The following NAALADL2 variants were observed in gnomAD, a reference collection of about 807,000 sequenced individuals.
NAALADL2 encodes N-acetylated alpha-linked acidic dipeptidase like 2.
NAALADL2 carries 76 observed loss-of-function variants against 87.2 expected under a neutral mutation model. The observed-to-expected ratio is 0.87, with a 90% confidence interval of 0.72 to 1.05. The LOEUF (loss-of-function observed/expected upper bound fraction) is 1.05. NAALADL2 is among the 50% of genes least tolerant of loss of function. The pLI is 0.00. For synonymous variants in NAALADL2, 354 were observed against 331.0 expected, an observed-to-expected ratio of 1.07 and a Z score of -0.75; for missense variants, 1,089 against 945.8, an observed-to-expected ratio of 1.15 and a Z score of -1.99.
rs1337792607 is a variant in NAALADL2, at chr3:174,882,715, ATATATGTG to A, written c.43+23277_43+23284del. The stretch of plus-strand genomic sequence containing the variant: ...CGTGTATATACATGTGTATCTACAC[ATATATGTG>A]TATATGTGTATCTATGTGTATATAC... On this transcript the variant is annotated intron_variant, in intron 1 of 13. Transcript: ENST00000454872. Among the ~76,000 whole-genome samples the A allele has an allele frequency of 1.7e-4, 25 of 143,852 alleles. 1 individual carries two copies. The highest frequency in any genetic ancestry group is 3.3e-4 in the Non-Finnish European group (22 of 66,000). 94.4% of individuals were successfully genotyped at this position (143,852 alleles called of 152,430 possible).
intron 1 of NAALADL2, among the ~76,000 whole-genome samples, chr3:175,068,823 T>C (rs1305298504): frequency 6.6e-6 from 1 of 152,102 alleles, no homozygotes; most frequent in African/African-American, 2.4e-5. Context: ...AGAATACCTT[T>C]GAAAAAGTAT....
chr3:174,659,937 G>C (rs1337866258), intron 2 of NAALADL2, among the ~76,000 whole-genome samples: 1 of 151,980 alleles, frequency 6.6e-6, no homozygotes, highest in Non-Finnish European at 1.5e-5. Context: ...TGTGTCCTTT[G>C]TTTCCTTTTG....
chr3:175,443,381 AT>A (rs1195513508), intron 5 of NAALADL2, among the ~76,000 whole-genome samples: 1 of 152,174 alleles, frequency 6.6e-6, no homozygotes, highest in Non-Finnish European at 1.5e-5. Context: ...GCAGTTATTG[AT>A]TTTTTATTAA....
At chr3:174,461,949 T>C (rs1716241074) in intron 1 of NAALADL2, among the ~76,000 whole-genome samples, 1 of 152,062 alleles carries the variant, frequency 6.6e-6, no homozygotes, top group Non-Finnish European at 1.5e-5. Context: ...CATATCTCAT[T>C]AAAATAGCAA....
rs143554533 is a variant in NAALADL2 at position 175,411,990 on chromosome 3, T to C, written c.1091-35239T>C. Among the ~76,000 whole-genome samples the C allele has an allele frequency of 4.3e-3, 654 of 152,134 alleles. 2 individuals carry two copies. Among genetic ancestry groups the C allele is most frequent in the Non-Finnish European group, 6.0e-3 (408 of 68,012 alleles). ...CAGAAATTCAAAAAGACTAGATAAA[T>C]TCTGTAAACCCTGATCGAAGATAGC... is the stretch of plus-strand genomic sequence containing the variant. On this transcript the variant is annotated intron_variant, in intron 5 of 13. Coordinates refer to ENST00000454872, the MANE Select transcript of NAALADL2 (RefSeq NM_207015.3).
chr3:174,501,335 T>G (rs4894472), intron 1 of NAALADL2, among the ~76,000 whole-genome samples: 2 of 150,710 alleles, frequency 1.3e-5, no homozygotes, highest in African/African-American at 2.5e-5. Flanking sequence ...GCCTCGGCCT[T>G]CCAAAGTGCT....
intron 1 of NAALADL2, among the ~76,000 whole-genome samples, chr3:175,080,760 TG>T (rs1717641616): frequency 6.6e-6 from 1 of 152,244 alleles, no homozygotes; most frequent in Admixed American, 6.5e-5. Flanking sequence ...AAGACTAATT[TG>T]GTCCAGTGCC....
At chr3:175,526,844 G>C (rs921230092) in intron 9 of NAALADL2, among the ~76,000 whole-genome samples, 4 of 152,054 alleles carry the variant, frequency 2.6e-5, no homozygotes, top group African/African-American at 9.7e-5. Flanking sequence ...GAAAGTGTTT[G>C]GGTGAATCCA....
intron 9 of NAALADL2, among the ~76,000 whole-genome samples, chr3:175,558,128 G>C (rs1259914919): frequency 2.5e-4 from 37 of 149,168 alleles, no homozygotes; most frequent in Non-Finnish European, 1.0e-4. Flanking sequence ...CCGGGAGGCG[G>C]AGCTTGTAGT....
intron 11 of NAALADL2, among the ~76,000 whole-genome samples, chr3:175,661,051 T>TA (rs1560932435): frequency 1.3e-5 from 2 of 152,246 alleles, no homozygotes; most frequent in South Asian, 4.1e-4. Context: ...GTTCTATTTT[T>TA]AGTTTTTTGA....
intron 2 of NAALADL2, among the ~76,000 whole-genome samples, chr3:175,150,394 T>G (rs1318700208): frequency 6.6e-6 from 1 of 152,200 alleles, no homozygotes; most frequent in Non-Finnish European, 1.5e-5. Context: ...TCTCAGCTGT[T>G]AAGAATTCCC....
intron 3 of NAALADL2, among the ~76,000 whole-genome samples, chr3:174,851,362 T>TAAAAA (rs34003047): frequency 9.3e-6 from 1 of 107,838 alleles, no homozygotes; most frequent in Non-Finnish European, 1.9e-5. Flanking sequence ...TCAGCCAGAC[T>TAAAAA]AAAAAAAAAA....
rs536420556 is a variant in NAALADL2 at position 175,477,251 on chromosome 3, A to T, written c.1653+5493A>T. Among the ~76,000 whole-genome samples the T allele has an allele frequency of 2.2e-4, 34 of 152,280 alleles. 1 individual carries two copies. The South Asian group carries it at 6.4e-3, about 29-fold the overall frequency. On this transcript the variant is annotated intron_variant, in intron 9 of 13. Transcript: ENST00000454872. ...TATATATAAATCAATATATAAATGC[A>T]TCATCAAGCATCTTTTAGAACAGAT...
intron 11 of NAALADL2, among the ~76,000 whole-genome samples, chr3:175,634,070 A>T (rs4264739): frequency 0.27 from 40,325 of 151,594 alleles, 6,193 homozygotes; most frequent in African/African-American, 0.43. Flanking sequence ...CAATAGAGTT[A>T]TATTTTCCCT....
At chr3:174,866,989 T>A (rs964677932) in intron 1 of NAALADL2, among the ~76,000 whole-genome samples, 1 of 151,806 alleles carries the variant, frequency 6.6e-6, no homozygotes, top group African/African-American at 2.4e-5. Flanking sequence ...TTCTATAAAA[T>A]ACTTACTAAT....
At chr3:175,162,457 A>G (rs1224926311) in intron 2 of NAALADL2, among the ~76,000 whole-genome samples, 3 of 152,296 alleles carry the variant, frequency 2.0e-5, no homozygotes, top group Admixed American at 2.0e-4. Context: ...TGGAATAGAG[A>G]TGGAGGTATC....
intron 5 of NAALADL2, among the ~76,000 whole-genome samples, chr3:175,441,053 T>C (rs1047944782): frequency 6.6e-5 from 10 of 152,052 alleles, no homozygotes; most frequent in African/African-American, 2.4e-4. Flanking sequence ...CAGTTTTTTT[T>C]CTTTTCATTT....
At chr3:174,772,645 A>AG (rs1714721272) in intron 3 of NAALADL2, among the ~76,000 whole-genome samples, 2 of 152,176 alleles carry the variant, frequency 1.3e-5, no homozygotes, top group African/African-American at 4.8e-5. Context: ...ACCTAACTAT[A>AG]GGTGTACTCT....
rs567915579 is a variant in NAALADL2, at chr3:175,092,491, C to T, written c.44-4299C>T. The stretch of plus-strand genomic sequence containing the variant: ...AATCTGTATTATCTAAAATATTTGC[C>T]AGACACTGTGTTAGGCTAGGTCTGC... On this transcript the variant is annotated intron_variant, in intron 1 of 13. Coordinates refer to ENST00000454872, the MANE Select transcript of NAALADL2 (RefSeq NM_207015.3). Among the ~76,000 whole-genome samples the T allele has an allele frequency of 2.5e-4, 38 of 151,916 alleles. No homozygotes were observed. The South Asian group carries it at 7.9e-3, about 31-fold the overall frequency.
Sources: gnomAD v4.1 joint callset for allele counts (sites outside exome capture counted in the v4.1 genomes callset) on GRCh38, gnomAD v4.1.1 for gene constraint, MANE v1.5 for transcripts, NCBI Gene and HGNC (gene_info 2026-07-23, HGNC 2026-07-21) for gene names.